NLK: variants seen among roughly 807,000 people sequenced by gnomAD.
NLK encodes serine/threonine-protein kinase NLK.
A neutral mutation model predicts 59.0 loss-of-function variants in NLK; 11 were observed. The observed-to-expected ratio is 0.19, with a 90% CI of 0.12 to 0.31. NLK has a LOEUF of 0.31. Ranked by LOEUF, NLK falls within the 10% of genes least tolerant of loss-of-function variation. The pLI is 1.00. For missense variants in NLK, 410 were observed against 661.1 expected (o/e 0.62, Z 4.16); for synonymous variants, 235 against 235.9 (o/e 1.00, Z 0.03).
chr17:28,185,275 GTT>G lies in NLK; in HGVS notation c.1236+18_1236+19del. On this transcript the variant is annotated intron_variant, in intron 8 of 10. Transcript: ENST00000407008. ...GTTGGTCTTTGATCCAGTAAGTAGT[GTT>G]TTTTTTTATATATTTTTAATGAATT... The G allele has an allele frequency of 6.8e-7, 1 of 1,477,368 alleles. No homozygotes were observed. Among genetic ancestry groups the G allele is most frequent in the Non-Finnish European group, 9.2e-7 (1 of 1,091,864 alleles). 91.5% of individuals were successfully genotyped at this position (1,477,368 alleles called of 1,614,324 possible).
intron 1 of NLK, among the ~76,000 whole-genome samples, chr17:28,117,178 G>A (rs1249781010): frequency 6.6e-6 from 1 of 152,134 alleles, no homozygotes; most frequent in Non-Finnish European, 1.5e-5. Context: ...TGACTGAGGA[G>A]GAAGTCTCTG....
At chr17:28,043,424 C>A in intron 1 of NLK, 93 bp downstream of exon 1, 1 of 1,125,586 alleles carries the variant, frequency 8.9e-7, no homozygotes, top group African/African-American at 1.6e-5. Context: ...CCATGTTGAC[C>A]AAGGTGCAGC....
At chr17:28,158,439 A>G (rs527312323) in intron 3 of NLK, among the ~76,000 whole-genome samples, 1 of 152,286 alleles carries the variant, frequency 6.6e-6, no homozygotes, top group South Asian at 2.1e-4. Flanking sequence ...ATTACTGTGC[A>G]TTACTATAGA....
At chr17:28,065,855 C>T (rs1477660844) in intron 1 of NLK, among the ~76,000 whole-genome samples, 1 of 152,158 alleles carries the variant, frequency 6.6e-6, no homozygotes, top group African/African-American at 2.4e-5. Context: ...TTAGACTTGT[C>T]TCAAGTCAGC....
chr17:28,182,118 A>G (rs927066227), intron 7 of NLK, among the ~76,000 whole-genome samples: 17 of 152,222 alleles, frequency 1.1e-4, no homozygotes, highest in African/African-American at 3.9e-4. Flanking sequence ...AGGTTAAGAC[A>G]TGTTGGATTT....
At chr17:28,156,096 CTATT>C (rs1350270462) in intron 3 of NLK, among the ~76,000 whole-genome samples, 2 of 151,582 alleles carry the variant, frequency 1.3e-5, no homozygotes, top group African/African-American at 4.9e-5. Flanking sequence ...TTTAAGAAAA[CTATT>C]AAGGAAATTT....
In NLK at chr17:28,168,484, G is replaced by A. The variant is rs1433401875; in HGVS notation, c.874G>A (p.Asp292Asn). Residue 292 changes from aspartate (D) to asparagine (N), a missense_variant, in exon 6 of 11, where the codon GAT becomes AAT. This residue lies in a region of NLK where 150 missense variants were observed against 244.3 expected (regional missense o/e 0.61). Transcript: ENST00000407008. ...TGGATTGGCCAGAGTGGAAGAATTA[G>A]ATGAATCCCGTCATATGACTCAGGA... ...DFGLARVEEL[D>N]ESRHMTQEVV... 6.2e-7 allele frequency: 1 copy of A among 1,613,890 alleles called. No homozygotes were observed. The highest frequency in any genetic ancestry group is 8.5e-7 in the Non-Finnish European group (1 of 1,179,818).
chr17:28,203,162 C>T, the NLK span, among the ~76,000 whole-genome samples: 1 of 141,066 alleles, frequency 7.1e-6, no homozygotes, highest in East Asian at 2.1e-4. Flanking sequence ...TATATACATA[C>T]ATACACACAC....
At chr17:28,166,493 G>A (rs1420598621) in intron 5 of NLK, among the ~76,000 whole-genome samples, 9 of 151,922 alleles carry the variant, frequency 5.9e-5, no homozygotes, top group East Asian at 1.9e-4. Flanking sequence ...TTAAGCTGCC[G>A]GAACTCTTTT....
At chr17:28,060,617 C>A (rs1909599500) in intron 1 of NLK, among the ~76,000 whole-genome samples, 1 of 152,090 alleles carries the variant, frequency 6.6e-6, no homozygotes, top group African/African-American at 2.4e-5. Flanking sequence ...AAGAACCCAA[C>A]AGAGAATGGG....
intron 10 of NLK, among the ~76,000 whole-genome samples, chr17:28,193,279 TG>T (rs1909374198): frequency 6.6e-6 from 1 of 152,150 alleles, no homozygotes; most frequent in Non-Finnish European, 1.5e-5. Context: ...AGGTTCCTCA[TG>T]TAAGGACCTC....
chr17:28,194,947 G>T lies in NLK; in HGVS notation c.*311G>T. 4.5e-6 allele frequency: 1 copy of T among 223,304 alleles called. No individual in the cohort carries two copies. The highest frequency in any genetic ancestry group is 2.3e-5 in the African/African-American group (1 of 43,594). 13.8% of individuals were successfully genotyped at this position (223,304 alleles called of 1,614,324 possible). The stretch of plus-strand genomic sequence containing the variant: ...CAAATTTGGGAGTTTGGGGTTTTAT[G>T]TTTTGTTTTTCTTTTCTAAAATGAA... On this transcript the variant is annotated 3_prime_UTR_variant, in exon 11 of 11. Transcript: ENST00000407008.
intron 5 of NLK, among the ~76,000 whole-genome samples, chr17:28,165,785 C>G (rs1317442622): frequency 6.6e-6 from 1 of 151,778 alleles, no homozygotes; most frequent in South Asian, 2.1e-4. Context: ...AACAGAAGGC[C>G]TTTTTTTGTT....
intron 1 of NLK, among the ~76,000 whole-genome samples, chr17:28,119,330 G>C (rs1905917543): frequency 6.6e-6 from 1 of 152,110 alleles, no homozygotes; most frequent in Non-Finnish European, 1.5e-5. Flanking sequence ...AGGCATGACT[G>C]GCTTTTGCAT....
intron 1 of NLK, among the ~76,000 whole-genome samples, chr17:28,087,951 G>T (rs1017517212): frequency 1.3e-5 from 2 of 152,144 alleles, no homozygotes; most frequent in African/African-American, 2.4e-5. Context: ...AGGAGGAAAG[G>T]CTAGAGAAAT....
intron 1 of NLK, among the ~76,000 whole-genome samples, chr17:28,111,653 C>T (rs1025577191): frequency 4.6e-5 from 7 of 152,132 alleles, no homozygotes; most frequent in African/African-American, 1.7e-4. Flanking sequence ...TGTATATTTG[C>T]TTATTCTTAA....
chr17:28,092,908 GTC>G (rs1175540823), intron 1 of NLK, among the ~76,000 whole-genome samples: 4 of 151,916 alleles, frequency 2.6e-5, no homozygotes, highest in African/African-American at 9.7e-5. Context: ...CAATGCTCCA[GTC>G]TCAGCCTCCC....
At chr17:28,181,225 C>T (rs537039543) in intron 7 of NLK, among the ~76,000 whole-genome samples, 1 of 152,038 alleles carries the variant, frequency 6.6e-6, no homozygotes, top group African/African-American at 2.4e-5. Flanking sequence ...ATGGCAAAAC[C>T]CCGCTCCACT....
At chr17:28,067,610 A>G (rs1450337491) in intron 1 of NLK, among the ~76,000 whole-genome samples, 2 of 151,982 alleles carry the variant, frequency 1.3e-5, no homozygotes, top group Non-Finnish European at 2.9e-5. Flanking sequence ...AATTCAATAT[A>G]TAAAAAAACT....
Sources: allele counts gnomAD v4.1 joint callset (sites outside exome capture counted in the v4.1 genomes callset), GRCh38; gene constraint gnomAD v4.1.1; regional missense constraint gnomAD v4.1.1; transcripts MANE v1.5; gene names NCBI Gene and HGNC (gene_info 2026-07-23, HGNC 2026-07-21).